Variants in ERBB3 observed in about 807,000 individuals in gnomAD.
ERBB3 encodes the protein receptor tyrosine-protein kinase erbB-3.
A neutral mutation model predicts 156.7 loss-of-function variants in ERBB3; 96 were observed. That is an observed-to-expected ratio of 0.61 (90% confidence interval 0.52 to 0.73). ERBB3 has a LOEUF of 0.73. Ranked by LOEUF, ERBB3 falls within the 30% of genes least tolerant of loss-of-function variation. The pLI, the probability that ERBB3 is intolerant of heterozygous loss-of-function variation, is 0.00. For synonymous variants in ERBB3, 567 were observed against 632.0 expected (o/e 0.90, Z 1.54); for missense variants, 1,406 against 1,709.4 (o/e 0.82, Z 3.13).
chr12:56,095,885 T>G, intron 17 of ERBB3, 79 bp downstream of exon 17: 1 of 1,491,748 alleles, frequency 6.7e-7, no homozygotes, highest in Non-Finnish European at 9.3e-7. Context: ...TAATTTTGAG[T>G]GGTACCCTGT....
intron 8 of ERBB3, 37 bp downstream of exon 8, chr12:56,088,693 C>T (rs2136797861): frequency 6.2e-7 from 1 of 1,614,094 alleles, no homozygotes; most frequent in Non-Finnish European, 8.5e-7. Flanking sequence ...AAAGAGACAG[C>T]CTTTCCTCTG....
intron 18 of ERBB3, 24 bp downstream of exon 18, chr12:56,096,646 G>A (rs2136817417): frequency 6.2e-7 from 1 of 1,614,164 alleles, no homozygotes. Context: ...AGGAATTCTG[G>A]AGAGGTGGGG....
intron 3 of ERBB3, chr12:56,085,460 G>A (rs548907427): frequency 3.0e-4 from 416 of 1,397,068 alleles, no homozygotes; most frequent in Non-Finnish European, 3.6e-4. Context: ...ACAGTGTACC[G>A]GAGGCCAGGC....
At chr12:56,096,671 A>G in intron 18 of ERBB3, 49 bp downstream of exon 18, 1 of 1,614,020 alleles carries the variant, frequency 6.2e-7, no homozygotes, top group East Asian at 2.2e-5. Context: ...CATCTAGGGC[A>G]AAGGGGTGAA....
rs773839032 is a variant in ERBB3, at chr12:56,097,227, C to T, written c.2457C>T (p.Ala819=). The T allele has an allele frequency of 3.7e-6, 6 of 1,613,704 alleles. No homozygotes were observed. The African/African-American group carries it at 6.7e-5, about 18-fold the overall frequency. Residue 819 remains alanine (A), a synonymous_variant, in exon 20 of 28, where the codon GCC becomes GCT. Transcript: ENST00000267101. ...QLLLNWGVQI[A]KGMYYLEEHG... is the part of the protein sequence containing the mutation. ...TGCTCAACTGGGGAGTACAAATTGC[C>T]AAGGTGAGAGAAGCCTGGAGGAATT...
Position 56,088,579 on chromosome 12 carries a change from C to T in ERBB3, c.911C>T (p.Ala304Val), listed in dbSNP as rs2136797034. Residue 304 changes from alanine (A) to valine (V), a missense_variant, in exon 8 of 28, where the codon GCC becomes GTC. Physicochemically the swap from Ala to Val is moderately conservative, Grantham distance 64. Coordinates refer to ENST00000267101, the MANE Select transcript of ERBB3 (RefSeq NM_001982.4). ...FVVDQTSCVR[A>V]CPPDKMEVDK... Reference sequence around the variant, plus strand: ...GTGGATCAAACATCCTGTGTCAGGGCCTGTCCTCCTGACAAGATGGAAGTA... The same window carrying T: ...GTGGATCAAACATCCTGTGTCAGGGTCTGTCCTCCTGACAAGATGGAAGTA... 6.2e-7 allele frequency: 1 copy of T among 1,613,790 alleles called. No individual in the cohort carries two copies. The highest frequency in any genetic ancestry group is 8.5e-7 in the Non-Finnish European group (1 of 1,179,686).
rs768736698 is a variant in ERBB3 at position 56,099,716 on chromosome 12, C to T, written c.2908C>T (p.Arg970Ter). 6 of 1,613,994 alleles carry T rather than the reference C, an allele frequency of 3.7e-6. No individual in the cohort carries two copies. The highest frequency in any genetic ancestry group is 1.3e-5 in the African/African-American group (1 of 74,894). ...ELANEFTRMA[R>*]DPPRYLVIKR... ...AGCCAATGAGTTCACCAGGATGGCC[C>T]GAGACCCACCACGGTATCTGGTCAT... The change falls in exon 24 of 28, where the codon CGA (arginine) becomes TGA (stop). Residue 970 changes from arginine (R) to a stop codon, truncating the protein, a stop_gained. Transcript: ENST00000267101. LOFTEE classifies it high-confidence loss of function.
chr12:56,086,997 G>A (rs982650277), intron 4 of ERBB3, among the ~76,000 whole-genome samples: 1 of 152,072 alleles, frequency 6.6e-6, no homozygotes. Flanking sequence ...AATCAGACAG[G>A]CGTAGTGGCT....
intron 2 of ERBB3, among the ~76,000 whole-genome samples, 187 bp from the exon 3 acceptor site, chr12:56,084,808 A>G (rs558990919): frequency 6.6e-6 from 1 of 151,990 alleles, no homozygotes; most frequent in African/African-American, 2.4e-5. Context: ...AGATCGCACT[A>G]TTGTACTCCA....
At position 56,080,215 on chromosome 12, in the gene ERBB3, C is replaced by A; in HGVS notation, c.-86C>A. 2 of 1,074,754 alleles carry A rather than the reference C, an allele frequency of 1.9e-6. No individual in the cohort carries two copies. Among genetic ancestry groups the A allele is most frequent in the South Asian group, 1.3e-5 (1 of 74,826 alleles). 66.6% of individuals were successfully genotyped at this position (1,074,754 alleles called of 1,614,324 possible). A position where few individuals can be genotyped will look rare whatever the true frequency, so the allele number is the denominator to read the frequency against. On this transcript the variant is annotated 5_prime_UTR_variant, in exon 1 of 28. Transcript: ENST00000267101. ...GCCGCAGCAGCCACCAATTCGCCAG[C>A]GGTTCAGGTGGCTCTTGCCTCGATG...
intron 5 of ERBB3, 76 bp from the exon 6 acceptor site, chr12:56,087,719 G>A (rs1868533204): frequency 3.2e-6 from 5 of 1,586,782 alleles, no homozygotes; most frequent in Non-Finnish European, 3.5e-6. Context: ...GGTCAACACT[G>A]TGGGGGAGGC....
In ERBB3 at chr12:56,096,563, G is replaced by C. The variant is rs371866354; in HGVS notation, c.2116G>C (p.Glu706Gln). 1 of 1,614,090 alleles carries C rather than the reference G, an allele frequency of 6.2e-7. No homozygotes were observed. The highest frequency in any genetic ancestry group is 1.3e-5 in the African/African-American group (1 of 74,930). ...CAAAGTCTTGGCCAGAATCTTCAAA[G>C]AGACAGAGCTAAGGAAGCTTAAAGT... ...ANKVLARIFK[E>Q]TELRKLKVLG... The change falls in exon 18 of 28, where the codon GAG becomes CAG. Residue 706 changes from glutamate (E) to glutamine (Q), a missense_variant. Coordinates refer to ENST00000267101, the MANE Select transcript of ERBB3 (RefSeq NM_001982.4).
chr12:56,098,777 T>A lies in ERBB3; in HGVS notation c.2711T>A (p.Leu904Ter). Residue 904 changes from leucine to a stop codon, truncating the protein, a stop_gained, in exon 23 of 28, where the codon TTG becomes TAG. Coordinates refer to ENST00000267101, the MANE Select transcript of ERBB3 (RefSeq NM_001982.4). LOFTEE classifies it high-confidence loss of function. The stretch of plus-strand genomic sequence containing the variant: ...GCAACAGGTGTGACAGTTTGGGAGT[T>A]GATGACCTTCGGGGCAGAGCCCTAT... ...VWSYGVTVWE[L>*]MTFGAEPYAG... is the part of the protein sequence containing the mutation. The A allele has an allele frequency of 6.2e-7, 1 of 1,614,074 alleles. No individual in the cohort carries two copies. The highest frequency in any genetic ancestry group is 8.5e-7 in the Non-Finnish European group (1 of 1,180,008).
At chr12:56,091,751 G>C (rs1868720945) in intron 9 of ERBB3, among the ~76,000 whole-genome samples, 2 of 152,100 alleles carry the variant, frequency 1.3e-5, no homozygotes, top group Non-Finnish European at 2.9e-5. Flanking sequence ...TAGTTAAGGT[G>C]ATATCTGTCA....
chr12:56,087,983 C>A, intron 6 of ERBB3, 38 bp from the exon 7 acceptor site: 3 of 1,614,070 alleles, frequency 1.9e-6, no homozygotes, highest in Non-Finnish European at 1.7e-6. Flanking sequence ...TAGGGGTACA[C>A]ACGTAACATA....
chr12:56,082,542 C>T (rs117570794), intron 1 of ERBB3, among the ~76,000 whole-genome samples: 1,583 of 152,176 alleles, frequency 0.01, 13 homozygotes, highest in Non-Finnish European at 0.015. Context: ...GGATTGGGGC[C>T]TCACCAGTCT....
chr12:56,087,935 T>C (rs1868541027), intron 6 of ERBB3, 22 bp downstream of exon 6: 8 of 1,613,294 alleles, frequency 5.0e-6, no homozygotes, highest in Non-Finnish European at 5.9e-6. Context: ...TTCCATTGCC[T>C]GGGTTCTGAA....
Position 56,101,918 on chromosome 12 carries a change from C to A in ERBB3, c.3892C>A (p.Pro1298Thr), listed in dbSNP as rs751413071. 8.7e-6 allele frequency: 14 copies of A among 1,613,194 alleles called. No homozygotes were observed. Among genetic ancestry groups the A allele is most frequent in the African/African-American group, 5.4e-5 (4 of 74,666 alleles). The change falls in exon 28 of 28, where the codon CCT becomes ACT. Residue 1298 changes from proline (P) to threonine (T), a missense_variant. Transcript: ENST00000267101. Reference sequence around the variant, plus strand: ...TGAAGAGATGAGAGCTTTTCAGGGGCCTGGACATCAGGCCCCCCATGTCCA... The same window carrying A: ...TGAAGAGATGAGAGCTTTTCAGGGGACTGGACATCAGGCCCCCCATGTCCA... ...GYEEMRAFQG[P>T]GHQAPHVHYA...
intron 17 of ERBB3, 99 bp downstream of exon 17, chr12:56,095,905 G>T: frequency 8.0e-7 from 1 of 1,253,488 alleles, no homozygotes; most frequent in Non-Finnish European, 1.2e-6. Flanking sequence ...TGCACCCAGG[G>T]GTCAGTGATG....
Sources: gnomAD v4.1 joint callset for allele counts (sites outside exome capture counted in the v4.1 genomes callset) on GRCh38, gnomAD v4.1.1 for gene constraint, MANE v1.5 for transcripts, NCBI Gene and HGNC (gene_info 2026-07-23, HGNC 2026-07-21) for gene names.